PPP1R9A: variants seen among roughly 807,000 people sequenced by gnomAD.
PPP1R9A encodes the protein neurabin-1.
PPP1R9A carries 59 observed loss-of-function variants against 141.9 expected under a neutral mutation model. The ratio of observed to expected loss-of-function variants is 0.42; its 90% confidence interval spans 0.34 to 0.52. The LOEUF (loss-of-function observed/expected upper bound fraction) is 0.52. PPP1R9A is among the 20% of genes least tolerant of loss of function. The pLI is 0.10. For synonymous variants in PPP1R9A, 500 were observed against 569.7 expected (o/e 0.88, Z 1.74); for missense variants, 1,444 against 1,611.9 (o/e 0.90, Z 1.78).
chr7:95,131,137 C>T lies in PPP1R9A; in HGVS notation c.1649+10305C>T, dbSNP rs183759880. 1.1e-4 allele frequency among the ~76,000 whole-genome samples: 16 copies of T among 152,264 alleles called. No homozygotes were observed. In the East Asian group the frequency reaches 2.9e-3, roughly 28 times the overall value. On this transcript the variant is annotated intron_variant, in intron 4 of 19. Coordinates refer to ENST00000433360, the MANE Select transcript of PPP1R9A (RefSeq NM_001166160.2). ...ACCCAAATCTCCTCTTGAATTGTAACTCCCACAATTCCCATGTCGTGGGAG... is the reference window on the plus strand; with the variant it reads ...ACCCAAATCTCCTCTTGAATTGTAATTCCCACAATTCCCATGTCGTGGGAG...
At chr7:94,986,073 G>C (rs889391681) in intron 2 of PPP1R9A, among the ~76,000 whole-genome samples, 2 of 152,094 alleles carry the variant, frequency 1.3e-5, no homozygotes, top group Non-Finnish European at 1.5e-5. Context: ...AATTTTGATG[G>C]TTGGGGAAAG....
At chr7:95,128,830 G>A (rs554026824) in intron 4 of PPP1R9A, among the ~76,000 whole-genome samples, 5 of 152,164 alleles carry the variant, frequency 3.3e-5, no homozygotes, top group African/African-American at 9.6e-5. Flanking sequence ...CACCCGCCTC[G>A]GCCTCCCAAA....
intron 2 of PPP1R9A, among the ~76,000 whole-genome samples, chr7:94,984,873 A>G (rs949512288): frequency 1.3e-5 from 2 of 152,006 alleles, no homozygotes; most frequent in Admixed American, 1.3e-4. Flanking sequence ...GCCTTCTGCT[A>G]ACTTTTGAAT....
intron 19 of PPP1R9A, among the ~76,000 whole-genome samples, chr7:95,289,375 G>T (rs1805975440): frequency 6.6e-6 from 1 of 152,146 alleles, no homozygotes. Context: ...TGACAATCTT[G>T]AAAAGGTTAG....
chr7:95,284,277 A>G lies in PPP1R9A; in HGVS notation c.3556A>G (p.Ile1186Val), dbSNP rs563965531. 1.2e-4 allele frequency: 194 copies of G among 1,568,280 alleles called. 3 individuals carry two copies. The South Asian group carries it at 2.0e-3, about 16-fold the overall frequency. Residue 1186 changes from isoleucine (I) to valine (V), a missense_variant, in exon 17 of 20, where the codon ATC (isoleucine) becomes GTC (valine). Physicochemically the swap from Ile to Val is conservative, Grantham distance 29. Around this residue, in one of 5 missense-constraint regions of PPP1R9A, gnomAD observed 459 missense variants for 513.8 expected, o/e 0.89. Transcript: ENST00000433360. The stretch of plus-strand genomic sequence containing the variant: ...AAACCCAAATCCCTCCTCTTCTTCA[A>G]TCTTTGGAAGGCATTCTCAACTTAT... The part of the protein sequence containing the change: ...KRNPNPSSSS[I>V]FGRHSQLMSV...
At chr7:95,059,061 A>T (rs1811871083) in intron 2 of PPP1R9A, among the ~76,000 whole-genome samples, 1 of 152,188 alleles carries the variant, frequency 6.6e-6, no homozygotes, top group African/African-American at 2.4e-5. Flanking sequence ...AAGTGTTGGG[A>T]TTACAGGCAT....
At chr7:95,209,333 A>G (rs1041911773) in intron 7 of PPP1R9A, among the ~76,000 whole-genome samples, 6 of 152,168 alleles carry the variant, frequency 3.9e-5, no homozygotes, top group Admixed American at 3.3e-4. Context: ...TGAGAATATC[A>G]TGGTACTTCT....
At chr7:95,255,021 A>AT (rs1034656846) in intron 12 of PPP1R9A, among the ~76,000 whole-genome samples, 14 of 151,940 alleles carry the variant, frequency 9.2e-5, no homozygotes, top group African/African-American at 3.1e-4. Context: ...GACGTAACAA[A>AT]TTTTTTTCCA....
At chr7:95,189,832 T>C (rs766301346) in intron 5 of PPP1R9A, among the ~76,000 whole-genome samples, 6 of 152,212 alleles carry the variant, frequency 3.9e-5, no homozygotes, top group Non-Finnish European at 8.8e-5. Context: ...TCATTCAATT[T>C]TATTGTCGAA....
At chr7:95,052,650 T>C (rs1214600790) in intron 2 of PPP1R9A, among the ~76,000 whole-genome samples, 2 of 152,178 alleles carry the variant, frequency 1.3e-5, no homozygotes, top group Non-Finnish European at 2.9e-5. Flanking sequence ...TAATGTTAAG[T>C]CATTAAATTT....
At chr7:95,107,919 C>A (rs947249968) in intron 2 of PPP1R9A, among the ~76,000 whole-genome samples, 3 of 152,056 alleles carry the variant, frequency 2.0e-5, no homozygotes, top group African/African-American at 7.2e-5. Context: ...TGGCATTGCA[C>A]TTTCTTCAGG....
At chr7:95,167,791 A>G (rs914738413) in intron 5 of PPP1R9A, among the ~76,000 whole-genome samples, 6 of 151,310 alleles carry the variant, frequency 4.0e-5, no homozygotes, top group Admixed American at 2.7e-4. Context: ...ACAAGAAGAC[A>G]ACCAAATTTA....
intron 8 of PPP1R9A, among the ~76,000 whole-genome samples, chr7:95,230,533 G>A (rs1292266780): frequency 1.3e-5 from 2 of 152,004 alleles, no homozygotes; most frequent in Non-Finnish European, 2.9e-5. Context: ...GGTCTCAGCA[G>A]TAGAATCAAA....
intron 5 of PPP1R9A, among the ~76,000 whole-genome samples, chr7:95,191,539 C>T (rs538965587): frequency 1.2e-3 from 176 of 152,108 alleles, no homozygotes; most frequent in African/African-American, 3.9e-3. Flanking sequence ...CATCCCACAA[C>T]GGTATAGAAC....
At chr7:94,985,717 G>A (rs1221710572) in intron 2 of PPP1R9A, among the ~76,000 whole-genome samples, 1 of 151,832 alleles carries the variant, frequency 6.6e-6, no homozygotes, top group Non-Finnish European at 1.5e-5. Flanking sequence ...TTGAGCCTGT[G>A]TGTGTCTCTG....
Position 95,120,801 on chromosome 7 carries a change from A to T in PPP1R9A, c.1618A>T (p.Thr540Ser), listed in dbSNP as rs1310032858. 9 of 1,614,022 alleles carry T rather than the reference A, an allele frequency of 5.6e-6. No homozygotes were observed. The South Asian group carries it at 7.7e-5, about 14-fold the overall frequency. ...GCTGGGAATATTCGTCAAGACAGTA[A>T]CAGAAGGTGGTGCTGCTCAACGGGA... ...EKLGIFVKTVTEGGAAQRDGR... is the reference protein window; with the variant it reads ...EKLGIFVKTVSEGGAAQRDGR... The change falls in exon 4 of 20, where the codon ACA (threonine) becomes TCA (serine). Residue 540 changes from threonine to serine, a missense_variant. Transcript: ENST00000433360.
At chr7:95,105,593 G>A (rs1445087461) in intron 2 of PPP1R9A, among the ~76,000 whole-genome samples, 3 of 152,218 alleles carry the variant, frequency 2.0e-5, no homozygotes, top group Non-Finnish European at 4.4e-5. Flanking sequence ...TGTTGGTGTT[G>A]AACATTAGGA....
rs189459515 is a variant in PPP1R9A at position 95,196,801 on chromosome 7, G to T, written c.1755-1548G>T. 2.2e-3 allele frequency among the ~76,000 whole-genome samples: 342 copies of T among 152,240 alleles called. 2 individuals carry two copies. The highest frequency in any genetic ancestry group is 7.7e-3 in the African/African-American group (318 of 41,548). On this transcript the variant is annotated intron_variant, in intron 5 of 19. Transcript: ENST00000433360. ...GGATTATAAGGAAATAGTTTGGGTTGATGGAAATGTTCTGTATCTTCATTG... is the reference window on the plus strand; with the variant it reads ...GGATTATAAGGAAATAGTTTGGGTTTATGGAAATGTTCTGTATCTTCATTG...
At chr7:95,137,332 G>T (rs990010002) in intron 4 of PPP1R9A, among the ~76,000 whole-genome samples, 2 of 145,146 alleles carry the variant, frequency 1.4e-5, no homozygotes, top group Non-Finnish European at 3.0e-5. Flanking sequence ...AGAACATGGG[G>T]TGTTTGGTTT....
Sources: allele counts gnomAD v4.1 joint callset (sites outside exome capture counted in the v4.1 genomes callset), GRCh38; gene constraint gnomAD v4.1.1; regional missense constraint gnomAD v4.1.1; transcripts MANE v1.5; gene names NCBI Gene and HGNC (gene_info 2026-07-23, HGNC 2026-07-21).